KCNH7: variants seen among roughly 807,000 people sequenced by gnomAD.
KCNH7 encodes potassium voltage-gated channel subfamily H member 7.
Under a neutral mutation model 120.8 loss-of-function variants are expected in KCNH7, and 49 were observed. That is an observed-to-expected ratio of 0.41 (90% CI 0.32 to 0.51). The LOEUF (loss-of-function observed/expected upper bound fraction) is 0.51. Ranked by LOEUF, KCNH7 falls within the 20% of genes least tolerant of loss-of-function variation. The pLI, the probability that KCNH7 is intolerant of heterozygous loss-of-function variation, is 0.38. For synonymous variants in KCNH7, 547 were observed against 516.1 expected (o/e 1.06, Z -0.81); for missense variants, 1,097 against 1,446.6 (o/e 0.76, Z 3.92).
intron 6 of KCNH7, among the ~76,000 whole-genome samples, chr2:162,470,677 T>G (rs1689490969): frequency 6.6e-6 from 1 of 151,492 alleles, no homozygotes; most frequent in African/African-American, 2.4e-5. Context: ...GAGGGGCGCC[T>G]CTGCCCAGCC....
intron 2 of KCNH7, among the ~76,000 whole-genome samples, chr2:162,652,117 T>C (rs1684586291): frequency 6.6e-6 from 1 of 152,226 alleles, no homozygotes. Context: ...TTCATAGTTA[T>C]TTTTCATTTT....
intron 6 of KCNH7, among the ~76,000 whole-genome samples, chr2:162,489,419 A>G (rs1690216660): frequency 6.6e-6 from 1 of 152,190 alleles, no homozygotes; most frequent in African/African-American, 2.4e-5. Flanking sequence ...AAGAAAGTTT[A>G]CAAATTTGTC....
intron 2 of KCNH7, among the ~76,000 whole-genome samples, chr2:162,807,409 C>G (rs1684588565): frequency 6.6e-6 from 1 of 151,848 alleles, no homozygotes. Context: ...TGCCCTCCAG[C>G]CTAGGCAATA....
chr2:162,833,462 A>G (rs1429937681), intron 2 of KCNH7, among the ~76,000 whole-genome samples: 1 of 152,162 alleles, frequency 6.6e-6, no homozygotes, highest in Non-Finnish European at 1.5e-5. Context: ...ATAGTTTTGT[A>G]TAATTAGAGT....
intron 2 of KCNH7, among the ~76,000 whole-genome samples, chr2:162,582,533 T>G (rs1236774789): frequency 6.6e-6 from 1 of 152,078 alleles, no homozygotes; most frequent in Non-Finnish European, 1.5e-5. Context: ...GCGCTTTGAC[T>G]CTGCAATCTA....
chr2:162,833,002 C>T (rs1685531789), intron 2 of KCNH7, among the ~76,000 whole-genome samples: 1 of 148,806 alleles, frequency 6.7e-6, no homozygotes, highest in Non-Finnish European at 1.5e-5. Context: ...AGTAAAATTG[C>T]TACCATAGTG....
chr2:162,591,262 T>TTG (rs149437775), intron 2 of KCNH7, among the ~76,000 whole-genome samples: 6,589 of 152,142 alleles, frequency 0.043, 283 homozygotes, highest in East Asian at 0.11. Flanking sequence ...TCTTTATTTT[T>TTG]TGTGTCTTAT....
Position 162,664,848 on chromosome 2 carries a change from C to T in KCNH7, c.308-127768G>A, listed in dbSNP as rs149712634. On this transcript the variant is annotated intron_variant, in intron 2 of 15. Transcript: ENST00000332142. ...CAGAAAAGATTCAGCATTAAGTTCCCCAAGTGCTCTTCTTATGGCTGATCT... is the reference window on the plus strand; with the variant it reads ...CAGAAAAGATTCAGCATTAAGTTCCTCAAGTGCTCTTCTTATGGCTGATCT... 5.4e-3 allele frequency among the ~76,000 whole-genome samples: 815 copies of T among 152,174 alleles called. 8 individuals carry two copies. The highest frequency in any genetic ancestry group is 0.019 in the African/African-American group (782 of 41,536).
chr2:162,506,131 C>CAAGT (rs1305166968), intron 5 of KCNH7, among the ~76,000 whole-genome samples: 1 of 151,794 alleles, frequency 6.6e-6, no homozygotes, highest in Admixed American at 6.6e-5. Flanking sequence ...TGACGATGAC[C>CAAGT]AAGTCCATCT....
At chr2:162,719,572 A>G (rs1559098470) in intron 2 of KCNH7, among the ~76,000 whole-genome samples, 1 of 151,994 alleles carries the variant, frequency 6.6e-6, no homozygotes, top group Non-Finnish European at 1.5e-5. Context: ...GAAATATTTT[A>G]TTTTATGATA....
At chr2:162,589,333 A>G (rs6746007) in intron 2 of KCNH7, among the ~76,000 whole-genome samples, 6,625 of 152,148 alleles carry the variant, frequency 0.044, 293 homozygotes, top group East Asian at 0.11. Context: ...AACAAGAGGC[A>G]GAGAAATGAA....
chr2:162,403,747 G>A (rs557555186), intron 9 of KCNH7, among the ~76,000 whole-genome samples: 62 of 152,026 alleles, frequency 4.1e-4, no homozygotes, highest in Middle Eastern at 3.4e-3. Flanking sequence ...GATCACTGAA[G>A]TAAAACTCGA....
At chr2:162,811,969 G>A (rs1462348967) in intron 2 of KCNH7, among the ~76,000 whole-genome samples, 3 of 152,148 alleles carry the variant, frequency 2.0e-5, no homozygotes, top group Non-Finnish European at 4.4e-5. Flanking sequence ...GGGGGCTCAT[G>A]TACTTTATCT....
At chr2:162,531,384 A>G (rs1691919897) in intron 3 of KCNH7, among the ~76,000 whole-genome samples, 1 of 151,872 alleles carries the variant, frequency 6.6e-6, no homozygotes, top group Admixed American at 6.6e-5. Context: ...CTTCCATCCA[A>G]TTTGATGGAC....
intron 2 of KCNH7, among the ~76,000 whole-genome samples, chr2:162,718,859 C>T (rs1269035951): frequency 6.6e-6 from 1 of 151,936 alleles, no homozygotes; most frequent in East Asian, 1.9e-4. Context: ...GTCATGTTCA[C>T]TAGGTAAGTG....
intron 2 of KCNH7, among the ~76,000 whole-genome samples, chr2:162,687,137 G>C (rs1427934044): frequency 6.6e-6 from 1 of 152,004 alleles, no homozygotes; most frequent in Non-Finnish European, 1.5e-5. Context: ...CATTGATTTT[G>C]CTTGGTCAGC....
chr2:162,575,334 T>C (rs953773932), intron 2 of KCNH7, among the ~76,000 whole-genome samples: 7 of 152,136 alleles, frequency 4.6e-5, no homozygotes, highest in Non-Finnish European at 8.8e-5. Context: ...GGCTTTCTTG[T>C]CTGAATCCCA....
At chr2:162,813,132 G>T (rs3912909) in intron 2 of KCNH7, among the ~76,000 whole-genome samples, 91,791 of 151,920 alleles carry the variant, frequency 0.6, 28,605 homozygotes, top group South Asian at 0.84. Context: ...ACAAAGACTA[G>T]GGAGACAGGA....
chr2:162,399,958 G>A (rs747904810), intron 10 of KCNH7, among the ~76,000 whole-genome samples: 3 of 151,904 alleles, frequency 2.0e-5, no homozygotes, highest in African/African-American at 7.2e-5. Flanking sequence ...AAGAACTGAA[G>A]AGAATCATCG....
Sources: gnomAD v4.1 joint callset for allele counts (sites outside exome capture counted in the v4.1 genomes callset) on GRCh38, gnomAD v4.1.1 for gene constraint, MANE v1.5 for transcripts, NCBI Gene and HGNC (gene_info 2026-07-23, HGNC 2026-07-21) for gene names.